The following KDM3B variants were observed in gnomAD, a reference collection of about 807,000 sequenced individuals.
The protein encoded by KDM3B is lysine-specific demethylase 3B.
In KDM3B, 10 loss-of-function variants were observed where a neutral mutation model predicts 170.0. The observed-to-expected ratio is 0.06, with a 90% CI of 0.04 to 0.10. KDM3B has a LOEUF of 0.10. KDM3B is among the 10% of genes least tolerant of loss of function. The pLI is 1.00. For synonymous variants in KDM3B, 831 were observed against 834.8 expected (o/e 1.00, Z 0.08); for missense variants, 1,394 against 2,195.2 (o/e 0.64, Z 7.29).
At chr5:138,380,311 TTATATGATATA>T (rs1762094589) in intron 5 of KDM3B, among the ~76,000 whole-genome samples, 1 of 148,942 alleles carries the variant, frequency 6.7e-6, no homozygotes, top group African/African-American at 2.4e-5. Flanking sequence ...TTATATTTAT[TTATATGATATA>T]TATGAGTTAT....
intron 7 of KDM3B, 115 bp downstream of exon 7, chr5:138,386,736 CT>C: frequency 1.5e-6 from 2 of 1,364,872 alleles, no homozygotes; most frequent in South Asian, 2.8e-5. Context: ...CTGAGATGTG[CT>C]TAAATTATAC....
At position 138,365,814 on chromosome 5, in the gene KDM3B, C is replaced by A. The variant is rs529648958; in HGVS notation, c.193-6860C>A. Among the ~76,000 whole-genome samples the A allele has an allele frequency of 4.5e-3, 691 of 151,956 alleles. 4 individuals carry two copies. Among genetic ancestry groups the A allele is most frequent in the Non-Finnish European group, 5.9e-3 (402 of 67,976 alleles). ...AAGAGTTCAAGACCAGCCTGGCCAA[C>A]ATGGTGAAACCCCGTCTCTACTAAA... is the stretch of plus-strand genomic sequence containing the variant. On this transcript the variant is annotated intron_variant, in intron 1 of 23. Transcript: ENST00000314358.
chr5:138,400,237 T>G (rs1762648364), intron 11 of KDM3B, among the ~76,000 whole-genome samples: 1 of 151,996 alleles, frequency 6.6e-6, no homozygotes, highest in Admixed American at 6.6e-5. Flanking sequence ...GTTTTTTTTT[T>G]GTTTTTGTTT....
chr5:138,431,410 C>T lies in KDM3B; in HGVS notation c.5071-15C>T. ...TAATGTCTGATATTTCTCCTCTGCA[C>T]TTTGCCCTTCTCAGGTTCACAATCT... On this transcript the variant is annotated splice_polypyrimidine_tract_variant and intron_variant, in intron 22 of 23. Coordinates refer to ENST00000314358, the MANE Select transcript of KDM3B (RefSeq NM_016604.4). The T allele has an allele frequency of 6.3e-7, 1 of 1,580,138 alleles. No homozygotes were observed. The highest frequency in any genetic ancestry group is 8.6e-7 in the Non-Finnish European group (1 of 1,160,908).
intron 23 of KDM3B, among the ~76,000 whole-genome samples, chr5:138,432,298 A>G (rs937690633): frequency 6.6e-6 from 1 of 152,208 alleles, no homozygotes; most frequent in Non-Finnish European, 1.5e-5. Flanking sequence ...GTCCCTAAGA[A>G]CTGTATCCCC....
intron 9 of KDM3B, among the ~76,000 whole-genome samples, chr5:138,395,733 C>T (rs1193413972): frequency 6.6e-6 from 1 of 152,056 alleles, no homozygotes; most frequent in Non-Finnish European, 1.5e-5. Flanking sequence ...TCTCCTGCCT[C>T]AGTCTCCTGA....
In KDM3B at chr5:138,428,215, T is replaced by G; in HGVS notation, c.4753+129T>G. On this transcript the variant is annotated intron_variant, in intron 20 of 23. Transcript: ENST00000314358. ...CTTTTTCTTTTTTCTGTTTTTTTTT[T>G]TGGGGGGCGGGGAGGCAGAGTCTCG... 4.9e-6 allele frequency: 5 copies of G among 1,022,186 alleles called. No homozygotes were observed. In the African/African-American group the frequency reaches 4.9e-5, roughly 10 times the overall value. 63.3% of individuals were successfully genotyped at this position (1,022,186 alleles called of 1,614,324 possible).
At chr5:138,411,949 A>T (rs1010417379) in intron 11 of KDM3B, among the ~76,000 whole-genome samples, 4 of 147,472 alleles carry the variant, frequency 2.7e-5, no homozygotes, top group African/African-American at 9.9e-5. Context: ...ATCTCAGGTG[A>T]CCCACCTGCC....
At chr5:138,416,642 A>C (rs1264750140) in intron 12 of KDM3B, among the ~76,000 whole-genome samples, 2 of 150,796 alleles carry the variant, frequency 1.3e-5, no homozygotes, top group African/African-American at 4.9e-5. Context: ...ACTTTGCTGG[A>C]GCATCCCCTG....
chr5:138,403,488 C>T (rs1433584602), intron 11 of KDM3B, among the ~76,000 whole-genome samples: 4 of 151,878 alleles, frequency 2.6e-5, no homozygotes, highest in African/African-American at 9.7e-5. Context: ...CCAGCCTGGC[C>T]AACATGTTGA....
chr5:138,424,562 C>A (rs775181012), intron 16 of KDM3B, among the ~76,000 whole-genome samples: 2 of 152,070 alleles, frequency 1.3e-5, no homozygotes, highest in Admixed American at 6.6e-5. Flanking sequence ...CCAAGGCAGG[C>A]GCATCATCTG....
intron 12 of KDM3B, 57 bp from the exon 13 acceptor site, chr5:138,417,426 A>G (rs1763132792): frequency 6.5e-7 from 1 of 1,547,030 alleles, no homozygotes; most frequent in East Asian, 2.3e-5. Context: ...TCTTAGCACA[A>G]TATGTGGCAT....
chr5:138,411,460 C>A (rs1363416217), intron 11 of KDM3B, among the ~76,000 whole-genome samples: 1 of 152,080 alleles, frequency 6.6e-6, no homozygotes, highest in Admixed American at 6.6e-5. Context: ...TATACTGGAA[C>A]AGCTCGTGTC....
chr5:138,360,809 C>T (rs2126907952), intron 1 of KDM3B, among the ~76,000 whole-genome samples: 1 of 152,212 alleles, frequency 6.6e-6, no homozygotes, highest in Non-Finnish European at 1.5e-5. Flanking sequence ...CCAGGCTGGT[C>T]TCGAACTCCT....
chr5:138,368,811 A>G (rs1561758762), intron 1 of KDM3B, among the ~76,000 whole-genome samples: 1 of 152,218 alleles, frequency 6.6e-6, no homozygotes, highest in South Asian at 2.1e-4. Context: ...CAAGTAAGGT[A>G]AGAGATAATT....
chr5:138,382,185 C>T (rs1159595070), intron 6 of KDM3B, among the ~76,000 whole-genome samples: 1 of 152,082 alleles, frequency 6.6e-6, no homozygotes, highest in Non-Finnish European at 1.5e-5. Context: ...CAGTGGCTCA[C>T]GCCTGTAATC....
intron 1 of KDM3B, among the ~76,000 whole-genome samples, chr5:138,368,248 T>C (rs1761792574): frequency 6.6e-6 from 1 of 151,328 alleles, no homozygotes; most frequent in Non-Finnish European, 1.5e-5. Context: ...TTTTTTTTTT[T>C]TGGAGACAGG....
intron 5 of KDM3B, among the ~76,000 whole-genome samples, chr5:138,380,966 C>G (rs890683097): frequency 6.6e-6 from 1 of 151,898 alleles, no homozygotes; most frequent in Non-Finnish European, 1.5e-5. Context: ...CCTCCGCCTC[C>G]CAGGTTCAAG....
Position 138,386,454 on chromosome 5 carries a change from G to A in KDM3B, c.1213G>A (p.Glu405Lys). 6.2e-7 allele frequency: 1 copy of A among 1,614,180 alleles called. No homozygotes were observed. The highest frequency in any genetic ancestry group is 8.5e-7 in the Non-Finnish European group (1 of 1,180,038). ...AGAGGTGGGTGGAGCCGAAAACAAA[G>A]AGGCAGGAAAAACACTGGAACAAGT... ...APEVGGAENKEAGKTLEQVGQ... is the reference protein window; with the variant it reads ...APEVGGAENKKAGKTLEQVGQ... The change falls in exon 7 of 24, where the codon GAG becomes AAG. Residue 405 changes from glutamate to lysine, a missense_variant. By Grantham distance (56) the Glu-to-Lys change is moderately conservative. This residue lies in a region of KDM3B where 205 missense variants were observed against 227.6 expected (regional missense o/e 0.90). Transcript: ENST00000314358.
Sources: allele counts gnomAD v4.1 joint callset (sites outside exome capture counted in the v4.1 genomes callset), GRCh38; gene constraint gnomAD v4.1.1; regional missense constraint gnomAD v4.1.1; transcripts MANE v1.5; gene names NCBI Gene and HGNC (gene_info 2026-07-23, HGNC 2026-07-21).